The following NAT10 variants were observed in gnomAD, a reference collection of about 807,000 sequenced individuals.
NAT10 encodes the protein N-acetyltransferase 10, also known as RNA cytidine acetyltransferase.
In NAT10, 109 loss-of-function variants were observed where a neutral mutation model predicts 132.2. The ratio of observed to expected loss-of-function variants is 0.82; its 90% CI spans 0.71 to 0.97. The LOEUF is 0.97. Among genes scored for constraint, NAT10 ranks in the 50% least tolerant of loss-of-function variants. The pLI, the probability that NAT10 is intolerant of heterozygous loss-of-function variation, is 0.00. For synonymous variants in NAT10, 479 were observed against 478.0 expected (o/e 1.00, Z -0.03); for missense variants, 1,184 against 1,263.4 (o/e 0.94, Z 0.95).
chr11:34,112,223 G>T lies in NAT10; in HGVS notation c.372G>T (p.Gln124His), dbSNP rs577409521. ...LGNTFGMCVLQDFEALTPNLL... is the reference protein window; with the variant it reads ...LGNTFGMCVLHDFEALTPNLL... ...ATACCTTCGGCATGTGTGTGCTGCA[G>T]GTGGGTGGCTTCCTCTAACCTGTGA... The change falls in exon 4 of 29, where the codon CAG becomes CAT. Residue 124 changes from glutamine to histidine, a missense_variant and splice_region_variant. Transcript: ENST00000257829. 1 of 1,614,182 alleles carries T rather than the reference G, an allele frequency of 6.2e-7. No individual in the cohort carries two copies. Among genetic ancestry groups the T allele is most frequent in the African/African-American group, 1.3e-5 (1 of 75,030 alleles).
At chr11:34,106,302 A>C (rs889737493) in intron 1 of NAT10, among the ~76,000 whole-genome samples, 1 of 151,868 alleles carries the variant, frequency 6.6e-6, no homozygotes, top group African/African-American at 2.4e-5. Context: ...AGATAGACGA[A>C]TGAGTGAGCG....
At chr11:34,127,029 G>A (rs1199837267) in intron 11 of NAT10, among the ~76,000 whole-genome samples, 1 of 152,080 alleles carries the variant, frequency 6.6e-6, no homozygotes, top group Middle Eastern at 3.2e-3. Context: ...CGAGCTCATC[G>A]GCTTTCCTTA....
chr11:34,138,779 T>A (rs12421526), intron 21 of NAT10: 33,794 of 167,316 alleles, frequency 0.2, 4,260 homozygotes, highest in East Asian at 0.33. Context: ...AGGTGTAGGT[T>A]TTGGCCCTGG....
In NAT10 at chr11:34,141,224, G is replaced by T. The variant is rs1852322661; in HGVS notation, c.2712+16G>T. ...AGTTGTGAAGGTAACCTCAGCCTGA[G>T]GGCAGGGGCTTGATGTCTCTCAAAT... On this transcript the variant is annotated intron_variant, in intron 25 of 28. Coordinates refer to ENST00000257829, the MANE Select transcript of NAT10 (RefSeq NM_024662.3). 1 of 1,613,674 alleles carries T rather than the reference G, an allele frequency of 6.2e-7. No homozygotes were observed. Among genetic ancestry groups the T allele is most frequent in the Non-Finnish European group, 8.5e-7 (1 of 1,179,974 alleles).
In NAT10 at chr11:34,131,382, G is replaced by A. The variant is rs777347501; in HGVS notation, c.1371G>A (p.Ala457=). ...TGTGTGTGTGATTGTGGGGAGCAGC[G>A]CGGACACTGTATGAGGTTTCCCTCC... is the stretch of plus-strand genomic sequence containing the variant. ...KTTTTARLAS[A]RTLYEVSLQE... is the part of the protein sequence containing the mutation. Residue 457 remains alanine (A), a splice_region_variant and synonymous_variant, in exon 14 of 29, where the codon GCG becomes GCA. Coordinates refer to ENST00000257829, the MANE Select transcript of NAT10 (RefSeq NM_024662.3). 9 of 1,612,290 alleles carry A rather than the reference G, an allele frequency of 5.6e-6. No individual in the cohort carries two copies. Among genetic ancestry groups the A allele is most frequent in the Non-Finnish European group, 7.6e-6 (9 of 1,179,044 alleles).
chr11:34,128,050 G>A (rs908721862), intron 12 of NAT10, among the ~76,000 whole-genome samples: 15 of 151,914 alleles, frequency 9.9e-5, no homozygotes, highest in Admixed American at 9.8e-4. Flanking sequence ...ATTAGAACAG[G>A]TAAGCAAAAG....
In NAT10 at chr11:34,140,442, A is replaced by G. The variant is rs749080288; in HGVS notation, c.2462A>G (p.Asp821Gly). The part of the protein sequence containing the change: ...EELEALFLPY[D>G]LKRLEMYSRN... ...CTGGAAGCACTCTTCCTCCCCTATGACCTGAAGCGGCTGGAGATGTATTCA... is the reference window on the plus strand; with the variant it reads ...CTGGAAGCACTCTTCCTCCCCTATGGCCTGAAGCGGCTGGAGATGTATTCA... The change falls in exon 24 of 29, where the codon GAC becomes GGC. Residue 821 changes from aspartate (D) to glycine (G), a missense_variant. By Grantham distance (94) the Asp-to-Gly change is moderately conservative. Transcript: ENST00000257829. The G allele has an allele frequency of 1.9e-6, 3 of 1,614,086 alleles. No individual in the cohort carries two copies. The East Asian group carries it at 6.7e-5, about 36-fold the overall frequency.
rs1369790786 is a variant in NAT10, at chr11:34,136,664, T to TC, written c.2052dup (p.Ile685HisfsTer16). 1 of 1,613,912 alleles carries TC rather than the reference T, an allele frequency of 6.2e-7. No individual in the cohort carries two copies. The highest frequency in any genetic ancestry group is 8.5e-7 in the Non-Finnish European group (1 of 1,180,018). The stretch of plus-strand genomic sequence containing the variant: ...CAGGCTGTCAGCTTGTTGGAAGAGG[T>TC]CATCACTCCCCGGAAGGACCTGCCT... On this transcript the variant is annotated frameshift_variant, in exon 20 of 29. Transcript: ENST00000257829. LOFTEE classifies it high-confidence loss of function.
intron 12 of NAT10, among the ~76,000 whole-genome samples, chr11:34,128,599 C>T (rs1852044889): frequency 6.6e-6 from 1 of 152,094 alleles, no homozygotes; most frequent in African/African-American, 2.4e-5. Context: ...AGAGATTATT[C>T]TGTATGCAGA....
chr11:34,113,873 T>C (rs757556635), intron 5 of NAT10, 35 bp downstream of exon 5: 1 of 1,608,058 alleles, frequency 6.2e-7, no homozygotes, highest in Non-Finnish European at 8.5e-7. Context: ...TTGTGAGGGT[T>C]CAAGTAAATC....
rs1159851636 is a variant in NAT10 at position 34,130,906 on chromosome 11, T to A, written c.1338T>A (p.Asn446Lys). The change falls in exon 13 of 29, where the codon AAT (asparagine) becomes AAA (lysine). Residue 446 changes from asparagine (N) to lysine (K), a missense_variant. Transcript: ENST00000257829. ...AQSQVSTTAE[N>K]KTTTTARLAS... is the part of the protein sequence containing the mutation. The stretch of plus-strand genomic sequence containing the variant: ...GCCAGGTCAGCACCACTGCTGAGAA[T>A]AAGACCACGACGACAGCCAGATTGG... 3 of 1,614,040 alleles carry A rather than the reference T, an allele frequency of 1.9e-6. No individual in the cohort carries two copies. The highest frequency in any genetic ancestry group is 2.5e-6 in the Non-Finnish European group (3 of 1,180,008).
intron 20 of NAT10, 87 bp downstream of exon 20, chr11:34,136,862 G>T: frequency 6.2e-7 from 1 of 1,610,926 alleles, no homozygotes; most frequent in Non-Finnish European, 8.5e-7. Flanking sequence ...TTGGTAGCTG[G>T]TATCGGTGCT....
intron 28 of NAT10, 80 bp from the exon 29 acceptor site, chr11:34,146,004 A>G (rs1852432821): frequency 1.9e-6 from 2 of 1,049,678 alleles, no homozygotes; most frequent in Admixed American, 5.6e-5. Context: ...CCTTTTTGAC[A>G]AAGCAAAGCA....
intron 23 of NAT10, among the ~76,000 whole-genome samples, chr11:34,140,091 AC>A (rs1852293180): frequency 6.6e-6 from 1 of 152,256 alleles, no homozygotes; most frequent in Non-Finnish European, 1.5e-5. Context: ...AAATGAAGTG[AC>A]AAAGCAGGGA....
Position 34,145,426 on chromosome 11 carries a change from G to A in NAT10, c.2970-658G>A, listed in dbSNP as rs1852422263. 2.6e-5 allele frequency among the ~76,000 whole-genome samples: 4 copies of A among 152,072 alleles called. No individual in the cohort carries two copies. In the South Asian group the frequency reaches 8.3e-4, roughly 32 times the overall value. On this transcript the variant is annotated intron_variant, in intron 28 of 28. Coordinates refer to ENST00000257829, the MANE Select transcript of NAT10 (RefSeq NM_024662.3). ...TGGTCTCTGGACTGAACTCTTCACG[G>A]TCTCCTTATAGGGAAGTATTTGTTC...
Position 34,139,397 on chromosome 11 carries a change from G to A in NAT10, c.2321G>A (p.Arg774Gln), listed in dbSNP as rs779649525. 1.2e-6 allele frequency: 2 copies of A among 1,614,118 alleles called. No homozygotes were observed. Among genetic ancestry groups the A allele is most frequent in the Non-Finnish European group, 1.7e-6 (2 of 1,180,000 alleles). Reference protein sequence around the residue: ...LAAFWKDFRRRFLALLSYQFS... With the variant: ...LAAFWKDFRRQFLALLSYQFS... Reference sequence around the variant, plus strand: ...TGGCACCCCACAGATTTCCGACGGCGGTTCCTAGCCTTGCTCTCCTACCAG... The same window carrying A: ...TGGCACCCCACAGATTTCCGACGGCAGTTCCTAGCCTTGCTCTCCTACCAG... The change falls in exon 23 of 29, where the codon CGG (arginine) becomes CAG (glutamine). Residue 774 changes from arginine (R) to glutamine (Q), a missense_variant. Physicochemically the swap from Arg to Gln is conservative, Grantham distance 43. Transcript: ENST00000257829.
Position 34,122,372 on chromosome 11 carries a change from C to A in NAT10, c.781-87C>A, listed in dbSNP as rs113026634. 8 of 1,559,240 alleles carry A rather than the reference C, an allele frequency of 5.1e-6. No individual in the cohort carries two copies. In the African/African-American group the frequency reaches 6.8e-5, roughly 13 times the overall value. ...GCCGCCCTCTTATTTAGCCTGGCATCAACCTCACTTCTCCACAGTGATGGT... is the reference window on the plus strand; with the variant it reads ...GCCGCCCTCTTATTTAGCCTGGCATAAACCTCACTTCTCCACAGTGATGGT... On this transcript the variant is annotated intron_variant, in intron 8 of 28. Transcript: ENST00000257829.
rs550565521 is a variant in NAT10 at position 34,128,340 on chromosome 11, C to T, written c.1244+741C>T. ...CTGCTCTCCAGTCTGGGCGACAGAG[C>T]GAGACTGTCTCAAAAACAAAACAAA... is the stretch of plus-strand genomic sequence containing the variant. On this transcript the variant is annotated intron_variant, in intron 12 of 28. Coordinates refer to ENST00000257829, the MANE Select transcript of NAT10 (RefSeq NM_024662.3). 8.5e-5 allele frequency among the ~76,000 whole-genome samples: 12 copies of T among 141,460 alleles called. No individual in the cohort carries two copies. The South Asian group carries it at 2.0e-3, about 23-fold the overall frequency. 92.8% of individuals were successfully genotyped at this position (141,460 alleles called of 152,430 possible). A position where few individuals can be genotyped will look rare whatever the true frequency, so the allele number is the denominator to read the frequency against.
At position 34,131,514 on chromosome 11, in the gene NAT10, G is replaced by C; in HGVS notation, c.1503G>C (p.Leu501Phe). ...CTCGGATAGTCTCAGGCTGCCCCTT[G>C]CCTGAAGCTTGTGAACTGTATCCTC... ...NITRIVSGCP[L>F]PEACELYYVN... Residue 501 changes from leucine (L) to phenylalanine (F), a missense_variant, in exon 14 of 29, where the codon TTG (leucine) becomes TTC (phenylalanine). Transcript: ENST00000257829. 6.2e-7 allele frequency: 1 copy of C among 1,613,870 alleles called. No individual in the cohort carries two copies.
Sources: gnomAD v4.1 joint callset for allele counts (sites outside exome capture counted in the v4.1 genomes callset) on GRCh38, gnomAD v4.1.1 for gene constraint, MANE v1.5 for transcripts, NCBI Gene and HGNC (gene_info 2026-07-23, HGNC 2026-07-21) for gene names.